TSNAXIP1: variants seen among roughly 807,000 people sequenced by gnomAD.
TSNAXIP1 encodes translin associated factor X interacting protein 1.
In TSNAXIP1, 89 loss-of-function variants were observed where a neutral mutation model predicts 84.8. The ratio of observed to expected loss-of-function variants is 1.05; its 90% CI spans 0.88 to 1.25. The LOEUF is 1.25. Among genes scored for constraint, TSNAXIP1 ranks in the 50% most tolerant of loss-of-function variants. TSNAXIP1 has a pLI of 0.00. For missense variants in TSNAXIP1, 874 were observed against 887.6 expected (o/e 0.98, Z 0.20); for synonymous variants, 347 against 335.2 (o/e 1.04, Z -0.39).
intron 4 of TSNAXIP1, among the ~76,000 whole-genome samples, chr16:67,821,645 C>T (rs1297839815): frequency 2.0e-5 from 3 of 152,064 alleles, no homozygotes; most frequent in Non-Finnish European, 4.4e-5. Context: ...CCCACCTCTC[C>T]CAGCTCTCCT....
At position 67,816,491 on chromosome 16, in the gene TSNAXIP1, G is replaced by A. The variant is rs555722104; in HGVS notation, c.147+2090G>A. Among the ~76,000 whole-genome samples, 385 of 152,222 alleles carry A rather than the reference G, an allele frequency of 2.5e-3. 1 individual carries two copies. Among genetic ancestry groups the A allele is most frequent in the Non-Finnish European group, 4.8e-3 (325 of 68,004 alleles). On this transcript the variant is annotated intron_variant, in intron 2 of 15. Transcript: ENST00000561639. The stretch of plus-strand genomic sequence containing the variant: ...AAACACATGGGCCACACACTTTGTG[G>A]GGCTGGGGACTCCCAACACCCCTGC...
chr16:67,826,169 C>T lies in TSNAXIP1; in HGVS notation c.1162C>T (p.Pro388Ser). The stretch of plus-strand genomic sequence containing the variant: ...ACATGCAGATGTGGTGGCTGGGGGC[C>T]CAGAGCGCTGGCAGATGCTGGCTGA... Reference protein sequence around the residue: ...TKCKDVVAGGPERWQMLAEGK... With the variant: ...TKCKDVVAGGSERWQMLAEGK... The change falls in exon 10 of 16, where the codon CCA becomes TCA. Residue 388 changes from proline to serine, a missense_variant. Transcript: ENST00000561639. 1 of 1,612,784 alleles carries T rather than the reference C, an allele frequency of 6.2e-7. No individual in the cohort carries two copies. The highest frequency in any genetic ancestry group is 8.5e-7 in the Non-Finnish European group (1 of 1,179,114).
chr16:67,827,959 GT>G lies in TSNAXIP1; in HGVS notation c.2106del (p.Val703TrpfsTer23). Reference protein sequence around the residue: ...LERLQVIDIRRVGPREPEPAS With the variant: ...LERLQVIDIRXVGPREPEPAS ...CGGCTTCAGGTGATTGACATCAGGCGTGTGGGACCTCGAGAGCCAGAGCCTG... is the reference window on the plus strand; with the variant it reads ...CGGCTTCAGGTGATTGACATCAGGCGGTGGGACCTCGAGAGCCAGAGCCTG... On this transcript the variant is annotated frameshift_variant, in exon 16 of 16. Coordinates refer to ENST00000561639, the MANE Select transcript of TSNAXIP1 (RefSeq NM_001288990.3). LOFTEE classifies it high-confidence loss of function. The G allele has an allele frequency of 1.2e-6, 2 of 1,613,640 alleles. No homozygotes were observed. Among genetic ancestry groups the G allele is most frequent in the Non-Finnish European group, 1.7e-6 (2 of 1,180,002 alleles).
Position 67,824,603 on chromosome 16 carries a change from C to G in TSNAXIP1, c.502C>G (p.Arg168Gly), listed in dbSNP as rs555332209. The stretch of plus-strand genomic sequence containing the variant: ...CTTAGCCCACCAAAGGGAGAAGATT[C>G]GGGCTCTGGAGCCCCTGAAGGCCAA... ...GMLAHQREKI[R>G]ALEPLKAKLV... The change falls in exon 6 of 16, where the codon CGG becomes GGG. Residue 168 changes from arginine (R) to glycine (G), a missense_variant. Transcript: ENST00000561639. 1.9e-6 allele frequency: 3 copies of G among 1,613,844 alleles called. No individual in the cohort carries two copies. In the African/African-American group the frequency reaches 4.0e-5, roughly 22 times the overall value.
chr16:67,821,953 A>C (rs1180059078), intron 4 of TSNAXIP1, among the ~76,000 whole-genome samples: 13 of 147,338 alleles, frequency 8.8e-5, no homozygotes, highest in Middle Eastern at 3.8e-3. Flanking sequence ...CCACTGCACT[A>C]CAGCCTGGGC....
chr16:67,808,531 G>A (rs1023657355), intron 1 of TSNAXIP1, among the ~76,000 whole-genome samples: 2 of 151,628 alleles, frequency 1.3e-5, no homozygotes, highest in African/African-American at 4.9e-5. Flanking sequence ...CCGAGATCCT[G>A]CCACTGCACT....
Position 67,807,065 on chromosome 16 carries a change from T to TG in TSNAXIP1, c.-81dup, listed in dbSNP as rs1279872880. The TG allele has an allele frequency of 2.0e-6, 3 of 1,506,530 alleles. No homozygotes were observed. Among genetic ancestry groups the TG allele is most frequent in the Non-Finnish European group, 2.7e-6 (3 of 1,130,342 alleles). 93.3% of individuals were successfully genotyped at this position (1,506,530 alleles called of 1,614,324 possible). On this transcript the variant is annotated 5_prime_UTR_variant, in exon 1 of 16. Coordinates refer to ENST00000561639, the MANE Select transcript of TSNAXIP1 (RefSeq NM_001288990.3). The stretch of plus-strand genomic sequence containing the variant: ...TCCGCCCCCGCCGCGGGGGGGCCTC[T>TG]GGGGCCTGGTCGCCATGGCGACCGG...
chr16:67,823,309 C>A (rs1040759258), intron 4 of TSNAXIP1, among the ~76,000 whole-genome samples: 2 of 152,130 alleles, frequency 1.3e-5, no homozygotes, highest in African/African-American at 2.4e-5. Flanking sequence ...CTCTGGGAGG[C>A]CGAGGTGGGT....
intron 2 of TSNAXIP1, among the ~76,000 whole-genome samples, chr16:67,816,770 G>A (rs2056585123): frequency 1.3e-5 from 2 of 152,078 alleles, no homozygotes; most frequent in African/African-American, 4.8e-5. Context: ...CAGAGAGCAC[G>A]GAGCGCCCGG....
chr16:67,812,943 CAG>C (rs1427962103), intron 1 of TSNAXIP1, among the ~76,000 whole-genome samples: 4 of 152,028 alleles, frequency 2.6e-5, no homozygotes, highest in South Asian at 4.2e-4. Context: ...TGCTTTCAGA[CAG>C]AGTTTTACTC....
chr16:67,807,301 T>G, intron 1 of TSNAXIP1, 105 bp downstream of exon 1: 1 of 1,534,728 alleles, frequency 6.5e-7, no homozygotes, highest in Non-Finnish European at 8.7e-7. Context: ...CCTCTGACCA[T>G]TGATCTAGGG....
intron 2 of TSNAXIP1, among the ~76,000 whole-genome samples, chr16:67,818,828 G>A (rs190834648): frequency 6.6e-5 from 10 of 151,430 alleles, no homozygotes; most frequent in Non-Finnish European, 1.5e-4. Context: ...CTCGGCCTCC[G>A]AAATAGCTGG....
chr16:67,825,192 G>A lies in TSNAXIP1; in HGVS notation c.734G>A (p.Arg245Gln), dbSNP rs202103256. The change falls in exon 7 of 16, where the codon CGA becomes CAA. Residue 245 changes from arginine to glutamine, a missense_variant. Transcript: ENST00000561639. ...GAGTACCTGCACTACCTCAGTGAGC[G>A]AGATGCCTGTAAGATCCTCATCGCA... ...AEEYLHYLSERDACKILIADL... is the reference protein window; with the variant it reads ...AEEYLHYLSEQDACKILIADL... 2.7e-4 allele frequency: 429 copies of A among 1,614,176 alleles called. No homozygotes were observed. The highest frequency in any genetic ancestry group is 1.0e-3 in the Admixed American group (63 of 60,030).
chr16:67,825,717 C>G lies in TSNAXIP1; in HGVS notation c.865C>G (p.Arg289Gly), dbSNP rs753750213. The G allele has an allele frequency of 1.2e-6, 2 of 1,614,134 alleles. No homozygotes were observed. The highest frequency in any genetic ancestry group is 1.7e-6 in the Non-Finnish European group (2 of 1,180,020). ...VKLTLALKMTRQDLTRTQMEL... is the reference protein window; with the variant it reads ...VKLTLALKMTGQDLTRTQMEL... ...GTTAACCCTGGCTCTTAAGATGACC[C>G]GGCAAGACCTGACCCGCACGCAGAT... Residue 289 changes from arginine (R) to glycine (G), a missense_variant, in exon 8 of 16, where the codon CGG (arginine) becomes GGG (glycine). By Grantham distance (125) the Arg-to-Gly change is moderately radical. Transcript: ENST00000561639.
intron 2 of TSNAXIP1, among the ~76,000 whole-genome samples, chr16:67,816,449 C>A (rs1026141568): frequency 6.6e-6 from 1 of 152,096 alleles, no homozygotes; most frequent in Admixed American, 6.5e-5. Flanking sequence ...TGACCCTGAC[C>A]CTCGTGGGGA....
Position 67,808,730 on chromosome 16 carries a change from G to A in TSNAXIP1, c.47+1534G>A, listed in dbSNP as rs796986547. On this transcript the variant is annotated intron_variant, in intron 1 of 15. Transcript: ENST00000561639. ...ACTGCACTCTAGCCTGGGCGACAGA[G>A]TGAGACTCCGTCTCAAAAAAAGAAA... 5.9e-4 allele frequency among the ~76,000 whole-genome samples: 90 copies of A among 152,158 alleles called. 1 individual carries two copies. Among genetic ancestry groups the A allele is most frequent in the African/African-American group, 2.0e-3 (85 of 41,532 alleles).
At chr16:67,820,992 G>A (rs778385590) in intron 3 of TSNAXIP1, 41 bp downstream of exon 3, 15 of 1,587,904 alleles carry the variant, frequency 9.4e-6, no homozygotes, top group Non-Finnish European at 1.1e-5. Context: ...GCTGGCATGG[G>A]CCAGGCTTTG....
At position 67,807,136 on chromosome 16, in the gene TSNAXIP1, C is replaced by T; in HGVS notation, c.-14C>T. ...CCAGGCCGCGGGTGCTGATTGCCCG[C>T]CTGCCCGTGGGTCATGGCCTGCCAG... is the stretch of plus-strand genomic sequence containing the variant. On this transcript the variant is annotated 5_prime_UTR_variant, in exon 1 of 16. Coordinates refer to ENST00000561639, the MANE Select transcript of TSNAXIP1 (RefSeq NM_001288990.3). The T allele has an allele frequency of 1.3e-6, 2 of 1,534,670 alleles. No homozygotes were observed. Among genetic ancestry groups the T allele is most frequent in the Non-Finnish European group, 1.7e-6 (2 of 1,146,554 alleles).
At position 67,827,838 on chromosome 16, in the gene TSNAXIP1, A is replaced by G. The variant is rs1202247676; in HGVS notation, c.1984A>G (p.Met662Val). The part of the protein sequence containing the change: ...SLDKQTVNTY[M>V]SQAFQLPESE... Reference sequence around the variant, plus strand: ...GGACAAGCAGACAGTGAACACCTACATGAGCCAGGCCTTCCAGCTCCCTGA... The same window carrying G: ...GGACAAGCAGACAGTGAACACCTACGTGAGCCAGGCCTTCCAGCTCCCTGA... The change falls in exon 16 of 16, where the codon ATG (methionine) becomes GTG (valine). Residue 662 changes from methionine to valine, a missense_variant. Coordinates refer to ENST00000561639, the MANE Select transcript of TSNAXIP1 (RefSeq NM_001288990.3). The G allele has an allele frequency of 3.7e-6, 6 of 1,613,964 alleles. No individual in the cohort carries two copies. Among genetic ancestry groups the G allele is most frequent in the Non-Finnish European group, 5.1e-6 (6 of 1,180,008 alleles).
Sources: gnomAD v4.1 joint callset for allele counts (sites outside exome capture counted in the v4.1 genomes callset) on GRCh38, gnomAD v4.1.1 for gene constraint, MANE v1.5 for transcripts, NCBI Gene and HGNC (gene_info 2026-07-23, HGNC 2026-07-21) for gene names.